Variants in CDKL3 observed in about 807,000 individuals in gnomAD.
CDKL3 encodes cyclin-dependent kinase-like 3.
CDKL3 carries 65 observed loss-of-function variants against 69.3 expected under a neutral mutation model. The observed-to-expected ratio is 0.94, with a 90% confidence interval of 0.77 to 1.15. CDKL3 has a LOEUF of 1.15. Ranked by LOEUF, CDKL3 falls within the 50% of genes most tolerant of loss-of-function variation. The probability of loss-of-function intolerance (pLI) is 0.00; values close to 1 mark genes in which losing one functional copy is unlikely to be tolerated. For synonymous variants in CDKL3, 202 were observed against 221.6 expected (o/e 0.91, Z 0.79); for missense variants, 652 against 689.2 (o/e 0.95, Z 0.61).
At chr5:134,302,454 A>T (rs752214281) in intron 12 of CDKL3, 136 bp downstream of exon 12, 364 of 612,876 alleles carry the variant, frequency 5.9e-4, no homozygotes, top group Admixed American at 1.3e-3. Context: ...GAAAATATAG[A>T]TCTGTTTCTT....
intron 6 of CDKL3, among the ~76,000 whole-genome samples, chr5:134,312,746 T>C (rs966785135): frequency 6.6e-6 from 1 of 152,250 alleles, no homozygotes; most frequent in African/African-American, 2.4e-5. Flanking sequence ...GCATGATTAG[T>C]AGTTTGCCAA....
intron 11 of CDKL3, among the ~76,000 whole-genome samples, chr5:134,303,326 C>G (rs535629917): frequency 6.6e-6 from 1 of 152,250 alleles, no homozygotes; most frequent in South Asian, 2.1e-4. Context: ...ATCCGCCCAC[C>G]TTGGCTTCCC....
chr5:134,313,481 C>T (rs1006945208), intron 6 of CDKL3, among the ~76,000 whole-genome samples: 2 of 152,052 alleles, frequency 1.3e-5, no homozygotes, highest in Non-Finnish European at 2.9e-5. Context: ...TATTATTATC[C>T]TCATTATACA....
intron 6 of CDKL3, among the ~76,000 whole-genome samples, chr5:134,313,954 A>G (rs993404045): frequency 6.6e-6 from 1 of 151,924 alleles, no homozygotes; most frequent in African/African-American, 2.4e-5. Context: ...CCTGACCAAC[A>G]TGGAGAAACT....
intron 2 of CDKL3, among the ~76,000 whole-genome samples, chr5:134,363,245 C>CG (rs1756489517): frequency 6.6e-6 from 1 of 152,088 alleles, no homozygotes; most frequent in African/African-American, 2.4e-5. Context: ...TTCACAAAAT[C>CG]ATAACATCTT....
intron 5 of CDKL3, among the ~76,000 whole-genome samples, chr5:134,321,155 C>T (rs1240389666): frequency 4.6e-5 from 7 of 151,374 alleles, no homozygotes; most frequent in Non-Finnish European, 1.0e-4. Flanking sequence ...ATTACAGGCA[C>T]TCGTCACCAT....
intron 4 of CDKL3, among the ~76,000 whole-genome samples, chr5:134,330,545 T>G (rs1256058544): frequency 6.6e-6 from 1 of 151,884 alleles, no homozygotes; most frequent in Non-Finnish European, 1.5e-5. Context: ...TGAAACCCCA[T>G]CTCTACAAAA....
chr5:134,320,186 A>T (rs1772338803), intron 5 of CDKL3, among the ~76,000 whole-genome samples: 1 of 152,212 alleles, frequency 6.6e-6, no homozygotes, highest in Non-Finnish European at 1.5e-5. Context: ...ACTATTTCTT[A>T]AATCAGTAAT....
At chr5:134,350,961 TGAGA>T (rs2149602477) in intron 3 of CDKL3, among the ~76,000 whole-genome samples, 1 of 152,266 alleles carries the variant, frequency 6.6e-6, no homozygotes, top group South Asian at 2.1e-4. Context: ...CTAAACCTCT[TGAGA>T]CATTATCTGT....
At chr5:134,302,214 G>C (rs1233555502) in intron 12 of CDKL3, 1 of 457,174 alleles carries the variant, frequency 2.2e-6, no homozygotes, top group Admixed American at 2.3e-5. Context: ...GAATAAACTG[G>C]AGAGAAAACG....
intron 4 of CDKL3, among the ~76,000 whole-genome samples, chr5:134,326,841 A>ATGTG (rs1341051033): frequency 7.9e-6 from 1 of 126,016 alleles, no homozygotes; most frequent in Admixed American, 7.6e-5. Flanking sequence ...ATATATATAT[A>ATGTG]TATATATATA....
At chr5:134,362,120 A>G (rs559165395) in intron 2 of CDKL3, among the ~76,000 whole-genome samples, 4 of 152,282 alleles carry the variant, frequency 2.6e-5, no homozygotes, top group African/African-American at 7.2e-5. Flanking sequence ...ATGCTCTAGT[A>G]CCCCTCTTCA....
intron 2 of CDKL3, among the ~76,000 whole-genome samples, chr5:134,364,973 ATT>A (rs746415237): frequency 3.7e-5 from 5 of 133,976 alleles, no homozygotes; most frequent in African/African-American, 5.5e-5. Context: ...TGCCTGGCTA[ATT>A]TTTTTTTTTT....
intron 2 of CDKL3, among the ~76,000 whole-genome samples, chr5:134,366,035 C>A (rs141464692): frequency 4.1e-4 from 63 of 152,292 alleles, no homozygotes; most frequent in Middle Eastern, 3.4e-3. Context: ...TTATAGAAGT[C>A]TTTAAGGGCA....
At chr5:134,342,718 A>C (rs1052610334) in intron 4 of CDKL3, among the ~76,000 whole-genome samples, 5 of 152,222 alleles carry the variant, frequency 3.3e-5, no homozygotes, top group Admixed American at 2.6e-4. Context: ...ATAACCTCCA[A>C]ACTAATCCAC....
chr5:134,359,979 T>C lies in CDKL3; in HGVS notation c.278A>G (p.Tyr93Cys). ...DHTVLDELQH[Y>C]CHGLESKRLR... is the part of the protein sequence containing the mutation. ...TCGCTTACTCTCTAGTCCATGACAA[T>C]AATGTTGTAACTCATCTAATACTGT... The change falls in exon 3 of 13, where the codon TAT becomes TGT. Residue 93 changes from tyrosine to cysteine, a missense_variant. Physicochemically the swap from Tyr to Cys is radical, Grantham distance 194 (BLOSUM62 -2). Transcript: ENST00000265334. 6.3e-7 allele frequency: 1 copy of C among 1,575,986 alleles called. No homozygotes were observed. The highest frequency in any genetic ancestry group is 8.6e-7 in the Non-Finnish European group (1 of 1,158,768).
chr5:134,353,716 T>C (rs1315606457), intron 3 of CDKL3, among the ~76,000 whole-genome samples: 2 of 152,084 alleles, frequency 1.3e-5, no homozygotes, highest in South Asian at 2.1e-4. Context: ...TGCGCCACCA[T>C]GCCCAGCTAA....
At chr5:134,301,236 G>A (rs1766219567) in intron 12 of CDKL3, among the ~76,000 whole-genome samples, 1 of 152,158 alleles carries the variant, frequency 6.6e-6, no homozygotes, top group African/African-American at 2.4e-5. Context: ...GACTTCAGGT[G>A]ATCCACCCTC....
Position 134,304,908 on chromosome 5 carries a change from A to G in CDKL3, c.1459-341T>C, listed in dbSNP as rs1044959506. 2.0e-5 allele frequency among the ~76,000 whole-genome samples: 3 copies of G among 150,952 alleles called. No individual in the cohort carries two copies. The Admixed American group carries it at 2.0e-4, about 10-fold the overall frequency. ...TTGCAGCGTCAACCCCCTGGGCTCA[A>G]GTGATCTTCCCACCTCAGTCTCTTA... On this transcript the variant is annotated intron_variant, in intron 10 of 12. Coordinates refer to ENST00000265334, the MANE Select transcript of CDKL3 (RefSeq NM_001113575.2).
Sources: allele counts gnomAD v4.1 joint callset (sites outside exome capture counted in the v4.1 genomes callset), GRCh38; gene constraint gnomAD v4.1.1; transcripts MANE v1.5; gene names NCBI Gene and HGNC (gene_info 2026-07-23, HGNC 2026-07-21).